The following MTF1 variants were observed in gnomAD, a reference collection of about 807,000 sequenced individuals.
MTF1 encodes the protein MRE-binding transcription factor.
Under a neutral mutation model 70.4 loss-of-function variants are expected in MTF1, and 22 were observed. That is an observed-to-expected ratio of 0.31 (90% CI 0.22 to 0.45). MTF1 has a LOEUF of 0.45. Ranked by LOEUF, MTF1 falls within the 20% of genes least tolerant of loss-of-function variation. The pLI, the probability that MTF1 is intolerant of heterozygous loss-of-function variation, is 1.00. For missense variants in MTF1, 649 were observed against 922.0 expected (o/e 0.70, Z 3.83); for synonymous variants, 333 against 352.8 (o/e 0.94, Z 0.63).
At chr1:37,823,492 T>C (rs1640950636) in intron 8 of MTF1, among the ~76,000 whole-genome samples, 1 of 151,474 alleles carries the variant, frequency 6.6e-6, no homozygotes, top group South Asian at 2.1e-4. Flanking sequence ...CCCATTTTGG[T>C]GGTTTTACAG....
At chr1:37,828,649 G>A (rs988262410) in intron 7 of MTF1, among the ~76,000 whole-genome samples, 4 of 152,172 alleles carry the variant, frequency 2.6e-5, no homozygotes, top group African/African-American at 7.2e-5. Context: ...TGGGTGTGAC[G>A]AATTGTGATG....
rs946249053 is a variant in MTF1 at position 37,811,716 on chromosome 1, T to G, written c.*3420A>C. 1 of 152,170 alleles carries G rather than the reference T, an allele frequency of 6.6e-6. No homozygotes were observed. The highest frequency in any genetic ancestry group is 2.4e-5 in the African/African-American group (1 of 41,418). 9.4% of individuals were successfully genotyped at this position (152,170 alleles called of 1,614,324 possible). A position where few individuals can be genotyped will look rare whatever the true frequency, so the allele number is the denominator to read the frequency against. ...TGACCCTGAAAATAAAACTCTCCGA[T>G]CTACCAACTATCCCAGAGGTGAAGA... On this transcript the variant is annotated 3_prime_UTR_variant, in exon 11 of 11. Coordinates refer to ENST00000373036, the MANE Select transcript of MTF1 (RefSeq NM_005955.3).
At chr1:37,858,312 G>A (rs1472087622) in intron 1 of MTF1, among the ~76,000 whole-genome samples, 2 of 152,332 alleles carry the variant, frequency 1.3e-5, no homozygotes, top group East Asian at 3.9e-4. Flanking sequence ...TACAAATCCT[G>A]TCTTTGCCTT....
chr1:37,838,804 T>A, intron 3 of MTF1, 48 bp from the exon 4 acceptor site: 1 of 1,191,384 alleles, frequency 8.4e-7, no homozygotes, highest in South Asian at 1.6e-5. Flanking sequence ...ATTCTTTTTT[T>A]TTTTTTTTTT....
chr1:37,819,951 CA>C (rs766621404), intron 9 of MTF1, among the ~76,000 whole-genome samples: 289 of 82,490 alleles, frequency 3.5e-3, no homozygotes, highest in Admixed American at 4.3e-3. Context: ...GACTCTGACT[CA>C]AAAAAAAAAA....
intron 8 of MTF1, 85 bp downstream of exon 8, chr1:37,823,625 C>T (rs559477217): frequency 1.4e-5 from 14 of 1,035,412 alleles, no homozygotes; most frequent in South Asian, 5.6e-5. Context: ...ACTTCATTTA[C>T]GCTAACTAGA....
chr1:37,817,539 G>C, intron 9 of MTF1, 57 bp from the exon 10 acceptor site: 1 of 1,222,326 alleles, frequency 8.2e-7, no homozygotes. Context: ...AGATCCCCAG[G>C]GACCTGAAGC....
chr1:37,815,229 G>T lies in MTF1; in HGVS notation c.2169C>A (p.Leu723=). ...SAMDVSEFLS[L]QSLDTPSNLI... The stretch of plus-strand genomic sequence containing the variant: ...GATTGGACGGGGTGTCCAGGCTCTG[G>T]AGGGATAGAAACTCTGACACATCCA... The change falls in exon 11 of 11, where the codon CTC becomes CTA. Residue 723 remains leucine, a synonymous_variant. Coordinates refer to ENST00000373036, the MANE Select transcript of MTF1 (RefSeq NM_005955.3). The surrounding 1 kb of genome is among the most constrained non-coding windows in gnomAD (Gnocchi z 4.5). The T allele has an allele frequency of 6.2e-7, 1 of 1,614,202 alleles. No individual in the cohort carries two copies. The highest frequency in any genetic ancestry group is 8.5e-7 in the Non-Finnish European group (1 of 1,180,036).
rs559640984 is a variant in MTF1, at chr1:37,852,662, A to G, written c.408+4589T>C. ...TTTTTTTTTTTCCAACCAGATTCTC[A>G]TTTTGTTGCCCAGGCTGGAATGCAG... On this transcript the variant is annotated intron_variant, in intron 2 of 10. Coordinates refer to ENST00000373036, the MANE Select transcript of MTF1 (RefSeq NM_005955.3). Among the ~76,000 whole-genome samples the G allele has an allele frequency of 2.6e-3, 395 of 150,214 alleles. 1 individual carries two copies. The highest frequency in any genetic ancestry group is 4.8e-3 in the Non-Finnish European group (322 of 67,620).
At position 37,813,678 on chromosome 1, in the gene MTF1, T is replaced by G. The variant is rs374312646; in HGVS notation, c.*1458A>C. 2 of 152,422 alleles carry G rather than the reference T, an allele frequency of 1.3e-5. No homozygotes were observed. The highest frequency in any genetic ancestry group is 4.8e-5 in the African/African-American group (2 of 41,606). The allele number at this position is 152,422 out of a possible 1,614,324, so 9.4% of individuals were successfully genotyped here. On this transcript the variant is annotated 3_prime_UTR_variant, in exon 11 of 11. Transcript: ENST00000373036. ...GGGCTCTTGGGAGGCAGAGGCCTATTCTGCACCTCAGGCCATGCCTGGCCT... is the reference window on the plus strand; with the variant it reads ...GGGCTCTTGGGAGGCAGAGGCCTATGCTGCACCTCAGGCCATGCCTGGCCT...
chr1:37,815,912 T>C lies in MTF1; in HGVS notation c.1832-346A>G, dbSNP rs549452553. ...TTTATACCCCTGGGCCTGTGGGCTC[T>C]TCCTTACGACTAAAATCCCTGGACA... On this transcript the variant is annotated intron_variant, in intron 10 of 10. Transcript: ENST00000373036. This position sits in a 1 kb window ranked among gnomAD's most constrained non-coding sequence, Gnocchi z 4.5. 3.8e-4 allele frequency among the ~76,000 whole-genome samples: 58 copies of C among 152,318 alleles called. No individual in the cohort carries two copies. The highest frequency in any genetic ancestry group is 1.3e-3 in the African/African-American group (56 of 41,568).
chr1:37,818,482 A>G (rs1028340585), intron 9 of MTF1, among the ~76,000 whole-genome samples: 29 of 151,766 alleles, frequency 1.9e-4, no homozygotes, highest in African/African-American at 6.8e-4. Context: ...AGGCGGGTGA[A>G]TCACAAGGTC....
chr1:37,824,334 TACTGTC>T, intron 7 of MTF1, among the ~76,000 whole-genome samples: 1 of 152,314 alleles, frequency 6.6e-6, no homozygotes, highest in Non-Finnish European at 1.5e-5. Flanking sequence ...CTAAAATATT[TACTGTC>T]TGGCTCATTA....
chr1:37,815,490 A>G lies in MTF1; in HGVS notation c.1908T>C (p.Cys636=), dbSNP rs1285987056. 1.3e-6 allele frequency: 2 copies of G among 1,568,250 alleles called. No homozygotes were observed. Among genetic ancestry groups the G allele is most frequent in the Admixed American group, 3.7e-5 (2 of 53,654 alleles). ...GCTCCTTTGCAGAGTCCCGGCATGC[A>G]CACTGACACTGACATGCCTCTTCTT... ...IKQEEACQCQ[C]ACRDSAKERA... The change falls in exon 11 of 11, where the codon TGT becomes TGC. Residue 636 remains cysteine, a synonymous_variant. Transcript: ENST00000373036. This position sits in a 1 kb window ranked among gnomAD's most constrained non-coding sequence, Gnocchi z 4.5.
intron 7 of MTF1, among the ~76,000 whole-genome samples, chr1:37,826,922 C>T (rs923726416): frequency 3.9e-5 from 6 of 151,986 alleles, no homozygotes; most frequent in African/African-American, 7.3e-5. Flanking sequence ...GAGGTTGCAG[C>T]GAGCTGAGAT....
Position 37,810,293 on chromosome 1 carries a change from G to A in MTF1, c.*4843C>T, listed in dbSNP as rs532862190. 1.3e-5 allele frequency: 2 copies of A among 152,670 alleles called. No individual in the cohort carries two copies. The highest frequency in any genetic ancestry group is 2.1e-4 in the South Asian group (1 of 4,832). The allele number at this position is 152,670 out of a possible 1,614,324, so 9.5% of individuals were successfully genotyped here. Reference sequence around the variant, plus strand: ...CATAAGAAAAAGTAGAAACTGCATTGAGCTGAGAAAGTGACACTACATTAT... The same window carrying A: ...CATAAGAAAAAGTAGAAACTGCATTAAGCTGAGAAAGTGACACTACATTAT... On this transcript the variant is annotated 3_prime_UTR_variant, in exon 11 of 11. Transcript: ENST00000373036.
chr1:37,859,334 G>A (rs1054553594), intron 1 of MTF1, among the ~76,000 whole-genome samples, 197 bp downstream of exon 1: 6 of 152,206 alleles, frequency 3.9e-5, no homozygotes, highest in Non-Finnish European at 7.3e-5. Flanking sequence ...CAAGCAAGGA[G>A]GAGAGGGGCA....
intron 7 of MTF1, among the ~76,000 whole-genome samples, chr1:37,824,621 C>T (rs987690164): frequency 6.6e-5 from 10 of 152,168 alleles, no homozygotes; most frequent in African/African-American, 2.4e-4. Context: ...TTGCTTGAAC[C>T]TGGGAGGCGG....
At chr1:37,847,606 C>T (rs894947439) in intron 2 of MTF1, among the ~76,000 whole-genome samples, 1 of 152,122 alleles carries the variant, frequency 6.6e-6, no homozygotes, top group African/African-American at 2.4e-5. Flanking sequence ...GATACTAAGT[C>T]AAAGGAAGCC....
Sources: allele counts gnomAD v4.1 joint callset (sites outside exome capture counted in the v4.1 genomes callset), GRCh38; gene constraint gnomAD v4.1.1; non-coding constraint Gnocchi (gnomAD v3.1); transcripts MANE v1.5; gene names NCBI Gene and HGNC (gene_info 2026-07-23, HGNC 2026-07-21).